CATSPERG: variants seen among roughly 807,000 people sequenced by gnomAD.
CATSPERG encodes cation channel sperm-associated auxiliary subunit gamma.
Under a neutral mutation model 145.0 loss-of-function variants are expected in CATSPERG, and 115 were observed. That is an observed-to-expected ratio of 0.79 (90% CI 0.68 to 0.93). CATSPERG has a LOEUF of 0.93. Ranked by LOEUF, CATSPERG falls within the 40% of genes least tolerant of loss-of-function variation. CATSPERG has a pLI of 0.00. For missense variants in CATSPERG, 1,296 were observed against 1,490.1 expected (o/e 0.87, Z 2.14); for synonymous variants, 588 against 589.0 (o/e 1.00, Z 0.02).
At chr19:38,337,800 C>A in intron 3 of CATSPERG, 154 bp downstream of exon 3, 1 of 610,880 alleles carries the variant, frequency 1.6e-6, no homozygotes, top group Non-Finnish European at 2.7e-6. Flanking sequence ...CTCACTGCAA[C>A]CTCCGCCTCC....
chr19:38,358,737 G>A (rs1049760835), intron 13 of CATSPERG, among the ~76,000 whole-genome samples, 176 bp downstream of exon 13: 3 of 152,214 alleles, frequency 2.0e-5, no homozygotes, highest in Non-Finnish European at 4.4e-5. Context: ...GTCAGTGCTG[G>A]GATGGGGGAA....
At chr19:38,352,595 CTTTTTTTTTTT>C (rs576701757) in intron 8 of CATSPERG, 163 bp downstream of exon 8, 20 of 314,610 alleles carry the variant, frequency 6.4e-5, no homozygotes, top group East Asian at 1.5e-4. Flanking sequence ...TTGCCTTGCC[CTTTTTTTTTTT>C]TTTTTTTTTT....
At chr19:38,355,486 C>T (rs759995895) in intron 9 of CATSPERG, among the ~76,000 whole-genome samples, 1 of 152,104 alleles carries the variant, frequency 6.6e-6, no homozygotes, top group Non-Finnish European at 1.5e-5. Flanking sequence ...CACCTGAGGT[C>T]AGGAGTTCGA....
chr19:38,367,011 G>A (rs1457535028), intron 22 of CATSPERG, 145 bp from the exon 23 acceptor site: 2 of 692,190 alleles, frequency 2.9e-6, no homozygotes, highest in African/African-American at 3.6e-5. Flanking sequence ...TGATATTAAT[G>A]ACCATATTGC....
chr19:38,368,225 G>A (rs1970489580), intron 26 of CATSPERG, 88 bp downstream of exon 26: 1 of 1,108,172 alleles, frequency 9.0e-7, no homozygotes, highest in East Asian at 2.4e-5. Context: ...GAGGCCTCTT[G>A]ATCCCCAAGT....
intron 26 of CATSPERG, 51 bp from the exon 27 acceptor site, chr19:38,369,921 G>C (rs772921270): frequency 2.9e-5 from 45 of 1,568,302 alleles, no homozygotes; most frequent in Non-Finnish European, 3.7e-5. Context: ...TTGGGAGTTG[G>C]CACAGACTAG....
chr19:38,366,273 C>G (rs966986483), intron 22 of CATSPERG: 1 of 152,384 alleles, frequency 6.6e-6, no homozygotes, highest in Non-Finnish European at 1.5e-5. Context: ...TCCCTACCCA[C>G]TCCCTGGCAT....
Position 38,344,856 on chromosome 19 carries a change from G to GAC in CATSPERG, c.669+514_669+515dup, listed in dbSNP as rs34101460. ...ATATGTATATACCTGTACATGAACAGACACACACACACACACACACACACA... is the reference window on the plus strand; with the variant it reads ...ATATGTATATACCTGTACATGAACAGACACACACACACACACACACACACACA... On this transcript the variant is annotated intron_variant, in intron 6 of 28. Transcript: ENST00000409235. Among the ~76,000 whole-genome samples the GAC allele has an allele frequency of 6.5e-3, 602 of 92,348 alleles. 27 individuals are homozygous for GAC. Among genetic ancestry groups the GAC allele is most frequent in the African/African-American group, 0.01 (250 of 24,672 alleles). 60.6% of individuals were successfully genotyped at this position (92,348 alleles called of 152,430 possible).
chr19:38,363,141 C>T (rs944403330), intron 20 of CATSPERG, among the ~76,000 whole-genome samples: 3 of 152,012 alleles, frequency 2.0e-5, no homozygotes, highest in African/African-American at 7.2e-5. Flanking sequence ...CAGATTCAAC[C>T]GAGTCTCCTG....
intron 13 of CATSPERG, 59 bp downstream of exon 13, chr19:38,358,620 G>C: frequency 2.5e-6 from 4 of 1,604,764 alleles, no homozygotes; most frequent in Non-Finnish European, 3.4e-6. Flanking sequence ...GCAACTTTAC[G>C]GTGGGGACCC....
chr19:38,370,354 C>T (rs1315057260), intron 28 of CATSPERG, 96 bp downstream of exon 28: 4 of 1,415,742 alleles, frequency 2.8e-6, no homozygotes, highest in African/African-American at 1.4e-5. Flanking sequence ...TTCCTTTATT[C>T]ACTCATCTAG....
chr19:38,347,325 C>T (rs1970057146), intron 7 of CATSPERG, among the ~76,000 whole-genome samples: 1 of 152,094 alleles, frequency 6.6e-6, no homozygotes, highest in Non-Finnish European at 1.5e-5. Context: ...TTGCAGCGAG[C>T]CAAGATTGTG....
Position 38,364,895 on chromosome 19 carries a change from C to T in CATSPERG, c.2480C>T (p.Thr827Met), listed in dbSNP as rs200588516. 4.9e-5 allele frequency: 79 copies of T among 1,612,950 alleles called. No individual in the cohort carries two copies. Among genetic ancestry groups the T allele is most frequent in the Middle Eastern group, 3.3e-4 (2 of 6,082 alleles). The change falls in exon 21 of 29, where the codon ACG becomes ATG. Residue 827 changes from threonine to methionine, a missense_variant. Coordinates refer to ENST00000409235, the MANE Select transcript of CATSPERG (RefSeq NM_021185.5). Reference protein sequence around the residue: ...INRNSVLFSITLKDKKLCYDQ... With the variant: ...INRNSVLFSIMLKDKKLCYDQ... ...TCTCCCCTCCTTCAACCCCAGATTA[C>T]GCTCAAGGATAAAAAGCTTTGCTAT...
At chr19:38,340,794 TAGAC>T (rs1969925105) in intron 3 of CATSPERG, among the ~76,000 whole-genome samples, 1 of 151,352 alleles carries the variant, frequency 6.6e-6, no homozygotes, top group Non-Finnish European at 1.5e-5. Flanking sequence ...TACTTTCAAT[TAGAC>T]AGGGTCTCAC....
In CATSPERG at chr19:38,370,020, C is replaced by G; in HGVS notation, c.3069C>G (p.Gly1023=). Residue 1023 remains glycine (G), a synonymous_variant, in exon 27 of 29, where the codon GGC becomes GGG. Coordinates refer to ENST00000409235, the MANE Select transcript of CATSPERG (RefSeq NM_021185.5). ...CATGCTATGACAATGTTCCCCAAGG[C>G]ATCTTTGCCCCTGAATTCTTCTTCA... ...NAPCYDNVPQ[G]IFAPEFFFKV... 1.9e-6 allele frequency: 3 copies of G among 1,614,240 alleles called. No individual in the cohort carries two copies. The highest frequency in any genetic ancestry group is 2.5e-6 in the Non-Finnish European group (3 of 1,180,044).
intron 7 of CATSPERG, among the ~76,000 whole-genome samples, chr19:38,351,039 A>G (rs912663386): frequency 2.0e-5 from 3 of 152,130 alleles, no homozygotes; most frequent in Admixed American, 2.0e-4. Context: ...TGAAGACTAC[A>G]GAGGCTGCAT....
At chr19:38,361,938 G>C in intron 17 of CATSPERG, 77 bp downstream of exon 17, 1 of 1,214,680 alleles carries the variant, frequency 8.2e-7, no homozygotes, top group Middle Eastern at 2.2e-4. Flanking sequence ...GGCGAGGCCT[G>C]TGGAGCGGAG....
intron 8 of CATSPERG, among the ~76,000 whole-genome samples, chr19:38,352,648 C>A (rs1045575393): frequency 2.1e-5 from 3 of 145,448 alleles, no homozygotes; most frequent in African/African-American, 5.1e-5. Context: ...CCCAGACCCT[C>A]CTGGGAATTG....
intron 11 of CATSPERG, 142 bp downstream of exon 11, chr19:38,357,003 TGGA>T: frequency 1.8e-6 from 2 of 1,085,248 alleles, no homozygotes; most frequent in South Asian, 3.0e-5. Context: ...GGAGTAGCAG[TGGA>T]GAACAGGATA....
Sources: allele counts gnomAD v4.1 joint callset (sites outside exome capture counted in the v4.1 genomes callset), GRCh38; gene constraint gnomAD v4.1.1; transcripts MANE v1.5; gene names NCBI Gene and HGNC (gene_info 2026-07-23, HGNC 2026-07-21).